Variants in SLC30A7 observed in about 807,000 individuals in gnomAD.
SLC30A7 encodes solute carrier family 30 member 7, also known as zinc transporter 7.
Under a neutral mutation model 46.0 loss-of-function variants are expected in SLC30A7, and 35 were observed. The ratio of observed to expected loss-of-function variants is 0.76; its 90% CI spans 0.58 to 1.01. The LOEUF is 1.01. Ranked by LOEUF, SLC30A7 falls within the 50% of genes least tolerant of loss-of-function variation. The pLI is 0.00. For missense variants in SLC30A7, 464 were observed against 451.1 expected, an observed-to-expected ratio of 1.03 and a Z score of -0.26; for synonymous variants, 147 against 157.8, an observed-to-expected ratio of 0.93 and a Z score of 0.51.
Position 100,974,925 on chromosome 1 carries a change from G to A in SLC30A7, c.*68G>A. On this transcript the variant is annotated 3_prime_UTR_variant, in exon 11 of 11. Transcript: ENST00000357650. The stretch of plus-strand genomic sequence containing the variant: ...CTGGTACTGTACGATCCAAAACATT[G>A]TACCCAGCTTTTTAAAAGAGAGAAA... 7.7e-7 allele frequency: 1 copy of A among 1,299,466 alleles called. No homozygotes were observed. Among genetic ancestry groups the A allele is most frequent in the East Asian group, 2.4e-5 (1 of 42,082 alleles). The allele number at this position is 1,299,466 out of a possible 1,614,324, so 80.5% of individuals were successfully genotyped here. A position where few individuals can be genotyped will look rare whatever the true frequency, so the allele number is the denominator to read the frequency against.
At chr1:100,939,580 T>C (rs1654213247) in intron 8 of SLC30A7, among the ~76,000 whole-genome samples, 1 of 151,854 alleles carries the variant, frequency 6.6e-6, no homozygotes, top group East Asian at 1.9e-4. Flanking sequence ...CTCTCGCCTG[T>C]AATCCCAGCA....
At position 100,928,349 on chromosome 1, in the gene SLC30A7, G is replaced by T. The variant is rs574239959; in HGVS notation, c.842+6508G>T. Among the ~76,000 whole-genome samples, 6 of 152,268 alleles carry T rather than the reference G, an allele frequency of 3.9e-5. No homozygotes were observed. In the South Asian group the frequency reaches 1.2e-3, roughly 32 times the overall value. On this transcript the variant is annotated intron_variant, in intron 8 of 10. Coordinates refer to ENST00000357650, the MANE Select transcript of SLC30A7 (RefSeq NM_133496.5). The stretch of plus-strand genomic sequence containing the variant: ...AACGGCGCTTCTTAATAGTGCTCTA[G>T]GGAAGACAGTGCCCTCCATTGGTCA...
intron 10 of SLC30A7, among the ~76,000 whole-genome samples, chr1:100,970,629 T>G (rs1475723055): frequency 6.6e-6 from 1 of 151,204 alleles, no homozygotes; most frequent in East Asian, 1.9e-4. Context: ...TAATGAGTTA[T>G]CATTTGGGAA....
chr1:100,960,882 G>A (rs551105008), intron 8 of SLC30A7, among the ~76,000 whole-genome samples: 17 of 149,684 alleles, frequency 1.1e-4, no homozygotes, highest in Non-Finnish European at 1.9e-4. Context: ...AATTGGATAT[G>A]TGCTAGATTA....
At chr1:100,902,409 A>G (rs1370478213) in intron 2 of SLC30A7, among the ~76,000 whole-genome samples, 1 of 152,098 alleles carries the variant, frequency 6.6e-6, no homozygotes, top group East Asian at 1.9e-4. Context: ...TTTTATTTTT[A>G]TTTTTTGCAT....
downstream of SLC30A7, among the ~76,000 whole-genome samples, chr1:100,983,375 CA>C (rs779529890): frequency 1.2e-3 from 88 of 76,468 alleles, no homozygotes; most frequent in East Asian, 3.6e-3. Flanking sequence ...TACTTTGAGG[CA>C]AAAAAAAAAA....
chr1:100,968,043 TA>T (rs558237358), intron 10 of SLC30A7, among the ~76,000 whole-genome samples: 242 of 151,978 alleles, frequency 1.6e-3, no homozygotes, highest in African/African-American at 5.5e-3. Flanking sequence ...TTGGCAAAAA[TA>T]AAAAAAATTA....
chr1:100,937,197 A>G (rs921877014), intron 8 of SLC30A7, among the ~76,000 whole-genome samples: 4 of 152,218 alleles, frequency 2.6e-5, no homozygotes, highest in Admixed American at 1.3e-4. Context: ...CTATGTACCC[A>G]TGTAAGAAAC....
chr1:100,971,939 A>C (rs961743720), intron 10 of SLC30A7, among the ~76,000 whole-genome samples: 1 of 152,172 alleles, frequency 6.6e-6, no homozygotes, highest in African/African-American at 2.4e-5. Context: ...CTAAGCCTAT[A>C]GCACCAGGTT....
chr1:100,966,641 G>A (rs1655894583), intron 10 of SLC30A7, among the ~76,000 whole-genome samples: 1 of 152,050 alleles, frequency 6.6e-6, no homozygotes, highest in Non-Finnish European at 1.5e-5. Flanking sequence ...AGTCAAGTTT[G>A]GGAAATACCT....
chr1:100,911,695 G>GC (rs1165191874), intron 4 of SLC30A7, among the ~76,000 whole-genome samples: 1 of 151,924 alleles, frequency 6.6e-6, no homozygotes, highest in Non-Finnish European at 1.5e-5. Context: ...GATTACAGGA[G>GC]CCCACCACCA....
Position 100,942,175 on chromosome 1 carries a change from CT to C in SLC30A7, c.843-19649del, listed in dbSNP as rs200895523. Among the ~76,000 whole-genome samples, 1,214 of 152,244 alleles carry C rather than the reference CT, an allele frequency of 8.0e-3. 13 individuals are homozygous for C. Among genetic ancestry groups the C allele is most frequent in the African/African-American group, 0.028 (1,151 of 41,532 alleles). On this transcript the variant is annotated intron_variant, in intron 8 of 10. Transcript: ENST00000357650. ...ATAAATGTCCAAAGGTTTGCATAATCTTTTGGCAAGGCTATGGGTAAAATAG... is the reference window on the plus strand; with the variant it reads ...ATAAATGTCCAAAGGTTTGCATAATCTTTGGCAAGGCTATGGGTAAAATAG...
At position 100,926,095 on chromosome 1, in the gene SLC30A7, G is replaced by A. The variant is rs79965258; in HGVS notation, c.842+4254G>A. The stretch of plus-strand genomic sequence containing the variant: ...TAGGCTTCCAAGGTAAAACTTATTT[G>A]TCATCCTTGTCTAGGTCCTACTGAC... On this transcript the variant is annotated intron_variant, in intron 8 of 10. Transcript: ENST00000357650. 3.4e-3 allele frequency among the ~76,000 whole-genome samples: 523 copies of A among 152,236 alleles called. 2 individuals are homozygous for A. The highest frequency in any genetic ancestry group is 0.012 in the African/African-American group (499 of 41,520).
At chr1:100,964,832 A>T (rs961786796) in intron 9 of SLC30A7, among the ~76,000 whole-genome samples, 1 of 152,138 alleles carries the variant, frequency 6.6e-6, no homozygotes, top group African/African-American at 2.4e-5. Flanking sequence ...TAAAACAGCT[A>T]TGTTGTCAGA....
chr1:100,992,786 C>T, the SLC30A7 span: 1 of 1,315,576 alleles, frequency 7.6e-7, no homozygotes, highest in Admixed American at 1.7e-5. Context: ...CATGAAACTA[C>T]ATAATATGTT....
chr1:100,908,509 C>T (rs991935352), intron 3 of SLC30A7, among the ~76,000 whole-genome samples: 2 of 152,090 alleles, frequency 1.3e-5, no homozygotes, highest in Admixed American at 1.3e-4. Context: ...TAGTTATAAG[C>T]AAGGGATATG....
At chr1:100,973,483 C>T (rs1656273777) in intron 10 of SLC30A7, among the ~76,000 whole-genome samples, 1 of 152,200 alleles carries the variant, frequency 6.6e-6, no homozygotes. Context: ...TGTGTGCTGG[C>T]TCTCACTTGA....
intron 8 of SLC30A7, chr1:100,941,710 A>C (rs1654361091): frequency 3.1e-6 from 2 of 643,328 alleles, no homozygotes; most frequent in African/African-American, 1.8e-5. Context: ...TGGTTCCACA[A>C]CTCTTCCATC....
At position 100,945,802 on chromosome 1, in the gene SLC30A7, A is replaced by G. The variant is rs184998305; in HGVS notation, c.843-16026A>G. Among the ~76,000 whole-genome samples the G allele has an allele frequency of 1.5e-3, 232 of 152,270 alleles. 2 individuals carry two copies. Among genetic ancestry groups the G allele is most frequent in the East Asian group, 1.2e-3 (6 of 5,184 alleles). ...TTTGGTTCCATATGGACTTTCAAGTAGTTTTTTCCAATTCTGTGAAGACAG... is the reference window on the plus strand; with the variant it reads ...TTTGGTTCCATATGGACTTTCAAGTGGTTTTTTCCAATTCTGTGAAGACAG... On this transcript the variant is annotated intron_variant, in intron 8 of 10. Transcript: ENST00000357650.
Sources: allele counts gnomAD v4.1 joint callset (sites outside exome capture counted in the v4.1 genomes callset), GRCh38; gene constraint gnomAD v4.1.1; transcripts MANE v1.5; gene names NCBI Gene and HGNC (gene_info 2026-07-23, HGNC 2026-07-21).